The following PALM2AKAP2 variants were observed in gnomAD, a reference collection of about 807,000 sequenced individuals.
PALM2AKAP2 encodes PALM2-AKAP2 fusion protein.
PALM2AKAP2 carries 37 observed loss-of-function variants against 71.5 expected under a neutral mutation model. That is an observed-to-expected ratio of 0.52 (90% confidence interval 0.40 to 0.68). The LOEUF (loss-of-function observed/expected upper bound fraction) is 0.68. Among genes scored for constraint, PALM2AKAP2 ranks in the 30% least tolerant of loss-of-function variants. The pLI is 0.00. For missense variants in PALM2AKAP2, 1,224 were observed against 1,191.8 expected, an observed-to-expected ratio of 1.03 and a Z score of -0.40; for synonymous variants, 468 against 478.8, an observed-to-expected ratio of 0.98 and a Z score of 0.29.
intron 2 of PALM2AKAP2, 123 bp from the exon 9 acceptor site, chr9:110,156,196 A>T (rs1397544329): frequency 1.5e-6 from 2 of 1,351,774 alleles, no homozygotes; most frequent in Non-Finnish European, 2.0e-6. Context: ...GCCTACACTT[A>T]ACCATCATTC....
intron 1 of PALM2AKAP2, among the ~76,000 whole-genome samples, chr9:109,691,080 G>C (rs1178940728): frequency 6.6e-6 from 1 of 151,930 alleles, no homozygotes; most frequent in Non-Finnish European, 1.5e-5. Flanking sequence ...ATCAGAGGAG[G>C]CTAAAACATA....
intron 1 of PALM2AKAP2, among the ~76,000 whole-genome samples, chr9:109,818,438 T>C (rs1461397152): frequency 2.0e-5 from 3 of 152,208 alleles, no homozygotes; most frequent in Non-Finnish European, 4.4e-5. Flanking sequence ...TAGCAATTTC[T>C]ATTTATTTTT....
intron 1 of PALM2AKAP2, among the ~76,000 whole-genome samples, chr9:109,730,010 G>C (rs1483231400): frequency 6.6e-6 from 1 of 152,204 alleles, no homozygotes; most frequent in Non-Finnish European, 1.5e-5. Context: ...ATTATTTCTT[G>C]AGTGAACAAA....
chr9:109,735,299 A>T (rs1828613660), intron 1 of PALM2AKAP2, among the ~76,000 whole-genome samples: 1 of 151,240 alleles, frequency 6.6e-6, no homozygotes. Context: ...ACCATCTTTT[A>T]TGATCTCCTA....
At chr9:109,710,403 A>G (rs1828214641) in intron 1 of PALM2AKAP2, among the ~76,000 whole-genome samples, 1 of 152,228 alleles carries the variant, frequency 6.6e-6, no homozygotes, top group Admixed American at 6.5e-5. Flanking sequence ...GCTCTGATGG[A>G]GACTGAGAAA....
chr9:110,078,021 A>AG (rs1834358635), intron 1 of PALM2AKAP2, among the ~76,000 whole-genome samples: 1 of 151,966 alleles, frequency 6.6e-6, no homozygotes, highest in South Asian at 2.1e-4. Flanking sequence ...CTCAAAAAAA[A>AG]AAAAAAAGAA....
chr9:109,904,338 T>C (rs59777087), intron 3 of PALM2AKAP2, among the ~76,000 whole-genome samples: 8,919 of 152,302 alleles, frequency 0.059, 375 homozygotes, highest in Admixed American at 0.12. Context: ...TAATCCCTAA[T>C]TGCTGTGAAA....
intron 1 of PALM2AKAP2, among the ~76,000 whole-genome samples, chr9:110,078,720 C>T (rs1834377777): frequency 6.6e-6 from 1 of 152,220 alleles, no homozygotes; most frequent in South Asian, 2.1e-4. Flanking sequence ...TCTTGTACTA[C>T]TGTTGACTCA....
chr9:109,932,217 A>G (rs1002711108), intron 6 of PALM2AKAP2, among the ~76,000 whole-genome samples, 189 bp downstream of exon 6: 10 of 152,208 alleles, frequency 6.6e-5, no homozygotes, highest in Non-Finnish European at 1.2e-4. Context: ...TGAGGACCAA[A>G]TGGGAAGGAG....
chr9:109,804,121 T>C (rs1339651429), intron 1 of PALM2AKAP2, among the ~76,000 whole-genome samples: 1 of 152,202 alleles, frequency 6.6e-6, no homozygotes, highest in African/African-American at 2.4e-5. Flanking sequence ...CAGCCAAGTT[T>C]CCTGCTTTAT....
chr9:109,723,039 C>T (rs1012258530), intron 1 of PALM2AKAP2, among the ~76,000 whole-genome samples: 3 of 152,152 alleles, frequency 2.0e-5, no homozygotes, highest in African/African-American at 7.2e-5. Flanking sequence ...AAGCACTGTG[C>T]CTGCAGCTGC....
intron 7 of PALM2AKAP2, among the ~76,000 whole-genome samples, chr9:110,040,731 C>T (rs543700443): frequency 6.6e-6 from 1 of 152,230 alleles, no homozygotes; most frequent in East Asian, 1.9e-4. Context: ...TTAAGCACCA[C>T]TGGAAAAGAA....
At chr9:109,741,641 T>C (rs912177490) in intron 1 of PALM2AKAP2, among the ~76,000 whole-genome samples, 6 of 152,260 alleles carry the variant, frequency 3.9e-5, no homozygotes, top group Non-Finnish European at 8.8e-5. Context: ...GGTGGGTTTG[T>C]TTGTTTTTGT....
At chr9:109,819,660 AAC>A (rs980823204) in intron 1 of PALM2AKAP2, among the ~76,000 whole-genome samples, 5 of 151,674 alleles carry the variant, frequency 3.3e-5, no homozygotes, top group Non-Finnish European at 5.9e-5. Context: ...CAAGGGTTTG[AAC>A]ACACACACAC....
chr9:109,743,761 T>A (rs992747892), intron 1 of PALM2AKAP2, among the ~76,000 whole-genome samples: 1 of 152,218 alleles, frequency 6.6e-6, no homozygotes, highest in Non-Finnish European at 1.5e-5. Flanking sequence ...CACATAGGCA[T>A]ATACATACAT....
intron 1 of PALM2AKAP2, among the ~76,000 whole-genome samples, chr9:110,058,780 C>A (rs113530318): frequency 0.011 from 1,686 of 152,230 alleles, 10 homozygotes; most frequent in Non-Finnish European, 0.016. Context: ...GTCCTCCCTC[C>A]CCTGTCTCTC....
At chr9:109,778,414 A>AC (rs138940623), upstream of PALM2AKAP2, among the ~76,000 whole-genome samples, 3,733 of 152,256 alleles carry the variant, frequency 0.025, 163 homozygotes, top group African/African-American at 0.085. Flanking sequence ...TTGTGAGCAA[A>AC]CCCCTTTAAA....
chr9:110,022,733 C>G (rs1188589817), intron 7 of PALM2AKAP2, among the ~76,000 whole-genome samples: 1 of 152,010 alleles, frequency 6.6e-6, no homozygotes, highest in Non-Finnish European at 1.5e-5. Context: ...CCCCTCTCCC[C>G]CCACCCCACA....
At chr9:109,880,460 G>A (rs9409099) in intron 2 of PALM2AKAP2, 91 bp from the exon 3 acceptor site, 56,280 of 1,537,656 alleles carry the variant, frequency 0.037, 1,246 homozygotes, top group Non-Finnish European at 0.043. Context: ...CGCTGGTGAG[G>A]GGTGGAGCTA....
Sources: allele counts gnomAD v4.1 joint callset (sites outside exome capture counted in the v4.1 genomes callset), GRCh38; gene constraint gnomAD v4.1.1; transcripts MANE v1.5; gene names NCBI Gene and HGNC (gene_info 2026-07-23, HGNC 2026-07-21).